ASIC2: variants seen among roughly 807,000 people sequenced by gnomAD.
ASIC2 encodes acid sensing ion channel subunit 2.
A neutral mutation model predicts 57.3 loss-of-function variants in ASIC2; 25 were observed. The observed-to-expected ratio is 0.44, with a 90% CI of 0.32 to 0.61. The LOEUF (loss-of-function observed/expected upper bound fraction) is 0.61. Among genes scored for constraint, ASIC2 ranks in the 20% least tolerant of loss-of-function variants. ASIC2 has a pLI of 0.06. For synonymous variants in ASIC2, 319 were observed against 307.5 expected, an observed-to-expected ratio of 1.04 and a Z score of -0.39; for missense variants, 641 against 738.1, an observed-to-expected ratio of 0.87 and a Z score of 1.52.
rs970033614 is a variant in ASIC2 at position 33,665,099 on chromosome 17, G to A, written c.555+490879C>T. On this transcript the variant is annotated intron_variant, in intron 1 of 9. Transcript: ENST00000359872. ...CAGAAAGGTGAAATGAGTTACCCAA[G>A]GTCACACGATTCCTCAATTTCTGGG... Among the ~76,000 whole-genome samples, 6 of 151,998 alleles carry A rather than the reference G, an allele frequency of 3.9e-5. No individual in the cohort carries two copies. In the South Asian group the frequency reaches 1.0e-3, roughly 26 times the overall value.
Position 33,104,263 on chromosome 17 carries a change from A to G in ASIC2, c.859+7654T>C, listed in dbSNP as rs879337376. Among the ~76,000 whole-genome samples, 70 of 152,182 alleles carry G rather than the reference A, an allele frequency of 4.6e-4. 1 individual carries two copies. Among genetic ancestry groups the G allele is most frequent in the Non-Finnish European group, 1.2e-4 (8 of 68,028 alleles). On this transcript the variant is annotated intron_variant, in intron 2 of 9. Transcript: ENST00000225823. ...TAGGAAGGGGGCCTCCCATAAACACATATGTTCAACCTACCATGTTTAATC... is the reference window on the plus strand; with the variant it reads ...TAGGAAGGGGGCCTCCCATAAACACGTATGTTCAACCTACCATGTTTAATC...
intron 1 of ASIC2, among the ~76,000 whole-genome samples, chr17:34,105,985 GTC>G (rs1431698334): frequency 6.6e-6 from 1 of 151,774 alleles, no homozygotes; most frequent in Non-Finnish European, 1.5e-5. Flanking sequence ...CTCTTATAAT[GTC>G]TTTTTCTCCT....
intron 1 of ASIC2, among the ~76,000 whole-genome samples, chr17:33,415,538 G>A (rs1910813259): frequency 6.6e-6 from 1 of 151,956 alleles, no homozygotes; most frequent in Admixed American, 6.6e-5. Flanking sequence ...TTCTGAGAGA[G>A]AGAGAGAATT....
chr17:34,011,012 AGATGCCAAAGT>A (rs1906706289), intron 1 of ASIC2, among the ~76,000 whole-genome samples: 1 of 1,126 alleles, frequency 8.9e-4, no homozygotes, highest in South Asian at 0.019. Flanking sequence ...ACACACACAC[AGATGCCAAAGT>A]CAGACACATG....
intron 1 of ASIC2, among the ~76,000 whole-genome samples, chr17:33,829,221 A>T (rs1913031065): frequency 6.6e-6 from 1 of 152,250 alleles, no homozygotes; most frequent in Admixed American, 6.5e-5. Context: ...TTAGTCGTGG[A>T]ACAGAAAAGC....
chr17:33,302,002 C>T (rs1361624981), intron 1 of ASIC2, among the ~76,000 whole-genome samples: 2 of 152,222 alleles, frequency 1.3e-5, no homozygotes, highest in Admixed American at 6.5e-5. Flanking sequence ...TCCTTCTCCT[C>T]ACAGGGGTTT....
intron 3 of ASIC2, among the ~76,000 whole-genome samples, chr17:33,050,071 T>A (rs909530981): frequency 2.0e-5 from 3 of 152,170 alleles, no homozygotes; most frequent in Non-Finnish European, 4.4e-5. Context: ...GTAAGCCTGC[T>A]CAGCCTGAGG....
intron 1 of ASIC2, among the ~76,000 whole-genome samples, chr17:33,849,225 G>A (rs1913696644): frequency 6.6e-6 from 1 of 152,188 alleles, no homozygotes; most frequent in African/African-American, 2.4e-5. Context: ...TTCTTGGTAA[G>A]AACTGGGATC....
intron 3 of ASIC2, among the ~76,000 whole-genome samples, chr17:33,061,754 T>C (rs2092021715): frequency 6.6e-6 from 1 of 152,226 alleles, no homozygotes; most frequent in Admixed American, 6.5e-5. Context: ...CTCCTCCTTG[T>C]ACTCTGGTAG....
chr17:33,161,442 C>A (rs1905156397), intron 1 of ASIC2, among the ~76,000 whole-genome samples: 1 of 152,202 alleles, frequency 6.6e-6, no homozygotes, highest in African/African-American at 2.4e-5. Context: ...AGTTTGTCTT[C>A]TCTGAAAGGC....
intron 1 of ASIC2, among the ~76,000 whole-genome samples, chr17:33,653,087 A>G (rs1193583661): frequency 6.6e-6 from 1 of 152,210 alleles, no homozygotes; most frequent in Non-Finnish European, 1.5e-5. Flanking sequence ...TGTTATAAAG[A>G]TAAAGTGCTG....
chr17:33,847,056 G>C (rs928112808), intron 1 of ASIC2, among the ~76,000 whole-genome samples: 4 of 151,864 alleles, frequency 2.6e-5, no homozygotes, highest in African/African-American at 9.7e-5. Flanking sequence ...GGAGTCTCCA[G>C]TTCCAGCCAG....
chr17:33,132,677 A>G (rs1342124855), intron 1 of ASIC2, among the ~76,000 whole-genome samples: 2 of 152,176 alleles, frequency 1.3e-5, no homozygotes, highest in Non-Finnish European at 2.9e-5. Context: ...AGTTTTCCAG[A>G]CCAGTTTAAT....
At chr17:33,249,029 T>G (rs1908791763) in intron 1 of ASIC2, among the ~76,000 whole-genome samples, 1 of 151,522 alleles carries the variant, frequency 6.6e-6, no homozygotes, top group South Asian at 2.1e-4. Context: ...ATAGTGATGG[T>G]TTAGATGGGA....
At chr17:33,844,660 T>A (rs1364993109) in intron 1 of ASIC2, among the ~76,000 whole-genome samples, 1 of 152,206 alleles carries the variant, frequency 6.6e-6, no homozygotes, top group African/African-American at 2.4e-5. Flanking sequence ...TGGTGGTGAC[T>A]TGCATTTCTG....
At chr17:33,798,828 C>T (rs923739180) in intron 1 of ASIC2, among the ~76,000 whole-genome samples, 2 of 152,166 alleles carry the variant, frequency 1.3e-5, no homozygotes, top group South Asian at 2.1e-4. Context: ...GCAATTTCTG[C>T]TGTTTGCAAT....
intron 1 of ASIC2, among the ~76,000 whole-genome samples, chr17:33,367,372 C>A (rs1021669560): frequency 2.0e-5 from 3 of 152,022 alleles, no homozygotes; most frequent in African/African-American, 7.3e-5. Context: ...GTGGCACTAA[C>A]CCTCTGGCGT....
At chr17:33,258,995 G>T (rs1319524737) in intron 1 of ASIC2, among the ~76,000 whole-genome samples, 1 of 152,140 alleles carries the variant, frequency 6.6e-6, no homozygotes, top group African/African-American at 2.4e-5. Flanking sequence ...AGAGAGCGAG[G>T]GTGTGTGTGG....
At chr17:33,525,383 C>T (rs11080227) in intron 1 of ASIC2, among the ~76,000 whole-genome samples, 35,295 of 152,084 alleles carry the variant, frequency 0.23, 4,512 homozygotes, top group African/African-American at 0.33. Flanking sequence ...TCCACCACCC[C>T]TTGGAAATAT....
Sources: allele counts gnomAD v4.1 joint callset (sites outside exome capture counted in the v4.1 genomes callset), GRCh38; gene constraint gnomAD v4.1.1; transcripts MANE v1.5; gene names NCBI Gene and HGNC (gene_info 2026-07-23, HGNC 2026-07-21).